Variants in TRAPPC9 observed in about 807,000 individuals in gnomAD.
TRAPPC9 encodes the protein trafficking protein particle complex subunit 9.
TRAPPC9 carries 83 observed loss-of-function variants against 124.0 expected under a neutral mutation model. The ratio of observed to expected loss-of-function variants is 0.67; its 90% CI spans 0.56 to 0.80. The LOEUF (loss-of-function observed/expected upper bound fraction) is 0.80. Ranked by LOEUF, TRAPPC9 falls within the 30% of genes least tolerant of loss-of-function variation. The pLI is 0.00. For synonymous variants in TRAPPC9, 638 were observed against 617.5 expected, an observed-to-expected ratio of 1.03 and a Z score of -0.49; for missense variants, 1,302 against 1,508.3, an observed-to-expected ratio of 0.86 and a Z score of 2.27.
intron 15 of TRAPPC9, among the ~76,000 whole-genome samples, chr8:140,271,246 G>A (rs1380513127): frequency 6.6e-6 from 1 of 152,186 alleles, no homozygotes; most frequent in African/African-American, 2.4e-5. Flanking sequence ...GTCCCAAAAG[G>A]AGGGTGGGTA....
chr8:140,266,687 T>A (rs2064671537), intron 15 of TRAPPC9, among the ~76,000 whole-genome samples: 1 of 151,714 alleles, frequency 6.6e-6, no homozygotes, highest in South Asian at 2.1e-4. Flanking sequence ...TGCAAACCCA[T>A]CTCTACTAAA....
intron 17 of TRAPPC9, among the ~76,000 whole-genome samples, chr8:140,185,352 G>A (rs2062328056): frequency 1.3e-5 from 2 of 152,210 alleles, no homozygotes; most frequent in Admixed American, 6.5e-5. Flanking sequence ...GGCTGGACAG[G>A]TGGCCTGGTC....
At position 140,215,747 on chromosome 8, in the gene TRAPPC9, C is replaced by G. The variant is rs115657114; in HGVS notation, c.2556+5712G>C. 1.2e-3 allele frequency among the ~76,000 whole-genome samples: 176 copies of G among 152,196 alleles called. 1 individual carries two copies. The highest frequency in any genetic ancestry group is 4.1e-3 in the African/African-American group (170 of 41,516). ...TCTTCCCTAAACTTCCGCTTCCCCA[C>G]TCACCTCATAGGATATTTACAAGGA... is the stretch of plus-strand genomic sequence containing the variant. On this transcript the variant is annotated intron_variant, in intron 17 of 22. Transcript: ENST00000438773.
At chr8:140,113,577 G>A (rs1460811286) in intron 17 of TRAPPC9, among the ~76,000 whole-genome samples, 1 of 152,180 alleles carries the variant, frequency 6.6e-6, no homozygotes, top group Non-Finnish European at 1.5e-5. Context: ...GGGAGTCCTG[G>A]GCGTGGAGAA....
chr8:140,320,123 G>A (rs1031166270), intron 9 of TRAPPC9, among the ~76,000 whole-genome samples: 1 of 152,148 alleles, frequency 6.6e-6, no homozygotes, highest in Non-Finnish European at 1.5e-5. Flanking sequence ...AATATCTGAA[G>A]TTACATTTTC....
In TRAPPC9 at chr8:139,824,804, TCACC is replaced by T. The variant is rs368456096; in HGVS notation, c.3055+61071_3055+61074del. Among the ~76,000 whole-genome samples the T allele has an allele frequency of 6.9e-3, 1,051 of 152,228 alleles. 14 individuals are homozygous for T. Among genetic ancestry groups the T allele is most frequent in the African/African-American group, 0.024 (982 of 41,542 alleles). The stretch of plus-strand genomic sequence containing the variant: ...TCTCAAACTCCTGAGCTCAGGCAAT[TCACC>T]CACCTCGGCCTCCCAAAGTGCTAGG... On this transcript the variant is annotated intron_variant, in intron 21 of 22. Transcript: ENST00000438773.
chr8:139,819,833 G>A (rs1287248489), intron 21 of TRAPPC9, among the ~76,000 whole-genome samples: 1 of 151,822 alleles, frequency 6.6e-6, no homozygotes, highest in Non-Finnish European at 1.5e-5. Context: ...CTAACACAGT[G>A]AAACCCCATC....
At chr8:139,952,326 A>C (rs2131512884) in intron 19 of TRAPPC9, among the ~76,000 whole-genome samples, 1 of 152,366 alleles carries the variant, frequency 6.6e-6, no homozygotes, top group East Asian at 1.9e-4. Context: ...TTGTCACAGA[A>C]GAAGGGTCAG....
intron 17 of TRAPPC9, among the ~76,000 whole-genome samples, chr8:140,102,068 G>A (rs2060590191): frequency 6.6e-6 from 1 of 152,076 alleles, no homozygotes; most frequent in South Asian, 2.1e-4. Flanking sequence ...GGTTTTATAT[G>A]CTGTTTTGTT....
At chr8:139,810,731 G>T (rs1469255882) in intron 21 of TRAPPC9, among the ~76,000 whole-genome samples, 4 of 152,180 alleles carry the variant, frequency 2.6e-5, no homozygotes, top group Non-Finnish European at 5.9e-5. Flanking sequence ...GGGAGGGGCA[G>T]CCTCCTTCTT....
chr8:140,282,606 A>G (rs901102279), intron 14 of TRAPPC9, among the ~76,000 whole-genome samples: 3 of 152,058 alleles, frequency 2.0e-5, no homozygotes, highest in East Asian at 3.8e-4. Flanking sequence ...TTCCAATAGC[A>G]AGGAAATTAA....
chr8:140,339,033 G>A (rs998015717), intron 9 of TRAPPC9, among the ~76,000 whole-genome samples: 17 of 136,364 alleles, frequency 1.2e-4, no homozygotes, highest in Non-Finnish European at 2.2e-4. Flanking sequence ...CCTACAGGCC[G>A]ACGGGAAACG....
chr8:140,300,322 TAC>T lies in TRAPPC9; in HGVS notation c.1768+145_1768+146del, dbSNP rs941000426. On this transcript the variant is annotated intron_variant, in intron 11 of 22. Transcript: ENST00000438773. The stretch of plus-strand genomic sequence containing the variant: ...ATGCATGCACACATGCACACACATA[TAC>T]ACACATATGCATGCGTGCACACATC... 6 of 1,026,180 alleles carry T rather than the reference TAC, an allele frequency of 5.8e-6. No individual in the cohort carries two copies. In the African/African-American group the frequency reaches 6.5e-5, roughly 11 times the overall value. The allele number at this position is 1,026,180 out of a possible 1,614,324, so 63.6% of individuals were successfully genotyped here. A position where few individuals can be genotyped will look rare whatever the true frequency, so the allele number is the denominator to read the frequency against.
intron 15 of TRAPPC9, among the ~76,000 whole-genome samples, chr8:140,271,917 T>A (rs1588060832): frequency 6.6e-6 from 1 of 152,016 alleles, no homozygotes. Flanking sequence ...GTGGTGGTGG[T>A]GGTAGTGATG....
chr8:140,005,708 G>A (rs1838703836), intron 18 of TRAPPC9, among the ~76,000 whole-genome samples: 2 of 152,016 alleles, frequency 1.3e-5, no homozygotes, highest in South Asian at 4.2e-4. Context: ...ACTGGAACTT[G>A]ACCTACAGAT....
chr8:140,425,425 G>GCC (rs2070387803), intron 5 of TRAPPC9, among the ~76,000 whole-genome samples: 1 of 152,120 alleles, frequency 6.6e-6, no homozygotes, highest in Admixed American at 6.5e-5. Context: ...GAATAACAAA[G>GCC]CCCCACAGAA....
chr8:140,263,370 C>T (rs1236333792), intron 15 of TRAPPC9, among the ~76,000 whole-genome samples: 3 of 152,082 alleles, frequency 2.0e-5, no homozygotes, highest in Non-Finnish European at 1.5e-5. Flanking sequence ...ACCTGAAGCA[C>T]AGTGGGTACT....
intron 18 of TRAPPC9, among the ~76,000 whole-genome samples, chr8:139,996,631 C>T (rs1434003833): frequency 6.6e-6 from 1 of 152,018 alleles, no homozygotes; most frequent in Non-Finnish European, 1.5e-5. Flanking sequence ...AAATAACATG[C>T]CATTTTTAAA....
chr8:140,204,470 T>C (rs1028017066), intron 17 of TRAPPC9, among the ~76,000 whole-genome samples: 1 of 101,764 alleles, frequency 9.8e-6, no homozygotes, highest in African/African-American at 3.9e-5. Flanking sequence ...CCGGGGGCTG[T>C]CGTTGGGTGG....
Sources: allele counts gnomAD v4.1 joint callset (sites outside exome capture counted in the v4.1 genomes callset), GRCh38; gene constraint gnomAD v4.1.1; transcripts MANE v1.5; gene names NCBI Gene and HGNC (gene_info 2026-07-23, HGNC 2026-07-21).